VAV1: variants seen among roughly 807,000 people sequenced by gnomAD.
VAV1 encodes vav guanine nucleotide exchange factor 1.
Under a neutral mutation model 128.1 loss-of-function variants are expected in VAV1, and 33 were observed. The observed-to-expected ratio is 0.26, with a 90% CI of 0.20 to 0.34. The LOEUF is 0.34. Ranked by LOEUF, VAV1 falls within the 10% of genes least tolerant of loss-of-function variation. The pLI is 1.00. For missense variants in VAV1, 715 were observed against 1,093.7 expected (o/e 0.65, Z 4.88); for synonymous variants, 394 against 409.8 (o/e 0.96, Z 0.47).
chr19:6,844,673 C>T (rs966927374), intron 22 of VAV1, among the ~76,000 whole-genome samples: 5 of 152,036 alleles, frequency 3.3e-5, no homozygotes, highest in African/African-American at 1.2e-4. Context: ...ACGTAAGAGG[C>T]AGGGTCAGGA....
At chr19:6,783,306 G>A (rs1970806065) in intron 1 of VAV1, among the ~76,000 whole-genome samples, 1 of 152,168 alleles carries the variant, frequency 6.6e-6, no homozygotes, top group Admixed American at 6.6e-5. Context: ...AATGTCAGGG[G>A]TTGGGGGAGG....
chr19:6,832,046 C>T, intron 14 of VAV1, 45 bp from the exon 15 acceptor site: 1 of 1,589,810 alleles, frequency 6.3e-7, no homozygotes, highest in Non-Finnish European at 8.6e-7. Flanking sequence ...TGCTCCCACC[C>T]TCTGCGGGGG....
intron 26 of VAV1, 92 bp downstream of exon 26, chr19:6,854,190 C>T (rs895566111): frequency 2.2e-5 from 33 of 1,497,884 alleles, no homozygotes; most frequent in African/African-American, 5.5e-5. Flanking sequence ...AGGTGAGGTG[C>T]GGCTCCCATG....
intron 21 of VAV1, among the ~76,000 whole-genome samples, chr19:6,839,092 G>A (rs2144805611): frequency 6.6e-6 from 1 of 152,040 alleles, no homozygotes; most frequent in East Asian, 1.9e-4. Context: ...TAGTAGAGAT[G>A]GAGTTTCATC....
chr19:6,825,154 T>G (rs771198282), intron 7 of VAV1, 33 bp downstream of exon 7: 2 of 1,602,198 alleles, frequency 1.2e-6, no homozygotes, highest in African/African-American at 2.7e-5. Flanking sequence ...CTCTTGGGTC[T>G]GTCTAGTGCG....
chr19:6,854,567 C>T (rs1599687323), intron 26 of VAV1, among the ~76,000 whole-genome samples: 1 of 151,918 alleles, frequency 6.6e-6, no homozygotes, highest in African/African-American at 2.4e-5. Flanking sequence ...AAAATAAAAA[C>T]AAAAACATTA....
chr19:6,832,811 A>C (rs1599666721), intron 15 of VAV1, among the ~76,000 whole-genome samples: 1 of 152,074 alleles, frequency 6.6e-6, no homozygotes, highest in Admixed American at 6.6e-5. Flanking sequence ...AAATTCCAAC[A>C]ACAAAAATCT....
Position 6,836,956 on chromosome 19 carries a change from G to C in VAV1, c.1915-29G>C. On this transcript the variant is annotated intron_variant, in intron 20 of 26. Coordinates refer to ENST00000602142, the MANE Select transcript of VAV1 (RefSeq NM_005428.4). Reference sequence around the variant, plus strand: ...GGGTTATGGATCCTATAACCTCTCTGTTCCTGTTTTTGTCTCCTGGGTGTT... The same window carrying C: ...GGGTTATGGATCCTATAACCTCTCTCTTCCTGTTTTTGTCTCCTGGGTGTT... The C allele has an allele frequency of 1.2e-6, 2 of 1,612,838 alleles. 1 individual carries two copies. The highest frequency in any genetic ancestry group is 2.2e-5 in the South Asian group (2 of 91,048).
chr19:6,852,883 AG>A (rs1972702612), intron 24 of VAV1, 81 bp from the exon 25 acceptor site: 8 of 1,065,206 alleles, frequency 7.5e-6, no homozygotes, highest in Non-Finnish European at 1.1e-5. Context: ...TCATGTGAGG[AG>A]TTGCATATGG....
intron 1 of VAV1, among the ~76,000 whole-genome samples, chr19:6,780,133 T>TAAC (rs1970738783): frequency 7.0e-6 from 1 of 143,812 alleles, no homozygotes; most frequent in Non-Finnish European, 1.5e-5. Flanking sequence ...ATAATAATAA[T>TAAC]AATAATAATA....
At chr19:6,806,949 A>C (rs1916597469) in intron 1 of VAV1, among the ~76,000 whole-genome samples, 1 of 152,212 alleles carries the variant, frequency 6.6e-6, no homozygotes, top group African/African-American at 2.4e-5. Flanking sequence ...ATCCCAGTCT[A>C]CTGGGATTCC....
At chr19:6,780,289 G>A (rs1225900514) in intron 1 of VAV1, among the ~76,000 whole-genome samples, 3 of 150,042 alleles carry the variant, frequency 2.0e-5, no homozygotes, top group Non-Finnish European at 3.0e-5. Flanking sequence ...TCATTGTGGG[G>A]GATAAGTGTA....
intron 15 of VAV1, 116 bp from the exon 16 acceptor site, chr19:6,833,068 A>G (rs1170479370): frequency 7.0e-6 from 6 of 859,874 alleles, no homozygotes; most frequent in Admixed American, 2.9e-5. Flanking sequence ...AAGCCAATCA[A>G]TGAATGAGTG....
Position 6,855,838 on chromosome 19 carries a change from TATCTATCC to T in VAV1, c.2485-1213_2485-1206del, listed in dbSNP as rs776534055. ...CTATCTATCTATCTATCTATCTATC[TATCTATCC>T]ATTCATTATCTATCTACCTATCTAT... On this transcript the variant is annotated intron_variant, in intron 26 of 26. Coordinates refer to ENST00000602142, the MANE Select transcript of VAV1 (RefSeq NM_005428.4). Among the ~76,000 whole-genome samples the T allele has an allele frequency of 4.7e-3, 578 of 123,040 alleles. 1 individual carries two copies. The highest frequency in any genetic ancestry group is 0.016 in the African/African-American group (552 of 33,574). 80.7% of individuals were successfully genotyped at this position (123,040 alleles called of 152,430 possible).
Position 6,826,597 on chromosome 19 carries a change from G to A in VAV1, c.828-15G>A, listed in dbSNP as rs747202497. The A allele has an allele frequency of 3.9e-6, 6 of 1,548,998 alleles. No individual in the cohort carries two copies. The East Asian group carries it at 1.5e-4, about 38-fold the overall frequency. Reference sequence around the variant, plus strand: ...GCCAGTCACCTTTACCTGGTGGCCTGTCTTCTCCCTGTAGGTTCCTCGTCT... The same window carrying A: ...GCCAGTCACCTTTACCTGGTGGCCTATCTTCTCCCTGTAGGTTCCTCGTCT... On this transcript the variant is annotated splice_polypyrimidine_tract_variant and intron_variant, in intron 8 of 26. Coordinates refer to ENST00000602142, the MANE Select transcript of VAV1 (RefSeq NM_005428.4). This position sits in a 1 kb window ranked among gnomAD's most constrained non-coding sequence, Gnocchi z 4.1.
chr19:6,824,998 C>T, intron 6 of VAV1, 55 bp from the exon 7 acceptor site: 2 of 1,573,898 alleles, frequency 1.3e-6, no homozygotes, highest in Non-Finnish European at 1.7e-6. Context: ...CTCTCTGAGA[C>T]TGGTCTGGAG....
At chr19:6,834,074 C>T (rs1972158775) in intron 19 of VAV1, 121 bp downstream of exon 19, 1 of 1,395,506 alleles carries the variant, frequency 7.2e-7, no homozygotes, top group Non-Finnish European at 1.0e-6. Context: ...CAATAGCTCA[C>T]ACCTGTAATC....
At chr19:6,800,270 C>T (rs1039837172) in intron 1 of VAV1, among the ~76,000 whole-genome samples, 2 of 152,048 alleles carry the variant, frequency 1.3e-5, no homozygotes, top group African/African-American at 4.8e-5. Flanking sequence ...GATGTTCCTG[C>T]CAGCTGCTCA....
chr19:6,803,346 C>A (rs1190822298), intron 1 of VAV1, among the ~76,000 whole-genome samples: 1 of 152,180 alleles, frequency 6.6e-6, no homozygotes, highest in African/African-American at 2.4e-5. Flanking sequence ...GTTGTCGGGT[C>A]ATTGCCTTGG....
Sources: gnomAD v4.1 joint callset for allele counts (sites outside exome capture counted in the v4.1 genomes callset) on GRCh38, gnomAD v4.1.1 for gene constraint, Gnocchi (gnomAD v3.1) non-coding constraint, MANE v1.5 for transcripts, NCBI Gene and HGNC (gene_info 2026-07-23, HGNC 2026-07-21) for gene names.